The following LRCH1 variants were observed in gnomAD, a reference collection of about 807,000 sequenced individuals.
The protein encoded by LRCH1 is leucine-rich repeat and calponin homology domain-containing protein 1.
Under a neutral mutation model 94.9 loss-of-function variants are expected in LRCH1, and 23 were observed. That is an observed-to-expected ratio of 0.24 (90% CI 0.17 to 0.34). The LOEUF (loss-of-function observed/expected upper bound fraction) is 0.34, where lower values mean the gene tolerates loss of function less well. LRCH1 is among the 10% of genes least tolerant of loss of function. LRCH1 has a pLI of 1.00. For missense variants in LRCH1, 790 were observed against 945.9 expected (o/e 0.84, Z 2.16); for synonymous variants, 364 against 354.9 (o/e 1.03, Z -0.29).
At chr13:46,683,951 CTG>C (rs1243283481) in intron 4 of LRCH1, among the ~76,000 whole-genome samples, 1 of 152,064 alleles carries the variant, frequency 6.6e-6, no homozygotes, top group African/African-American at 2.4e-5. Context: ...CAGTCAGTGA[CTG>C]TAAAGACTTT....
chr13:46,709,300 G>A (rs553180910), intron 13 of LRCH1, among the ~76,000 whole-genome samples: 7 of 152,186 alleles, frequency 4.6e-5, no homozygotes, highest in Non-Finnish European at 1.0e-4. Flanking sequence ...CATTCAGTCA[G>A]TTGGCCCAGC....
intron 1 of LRCH1, among the ~76,000 whole-genome samples, chr13:46,632,237 C>A (rs539027075): frequency 1.3e-5 from 2 of 151,912 alleles, no homozygotes; most frequent in East Asian, 3.9e-4. Flanking sequence ...ATAGGAAACA[C>A]TTGATGACTT....
chr13:46,727,182 G>C (rs752711372), intron 17 of LRCH1, among the ~76,000 whole-genome samples: 36 of 152,096 alleles, frequency 2.4e-4, no homozygotes, highest in Non-Finnish European at 1.3e-4. Flanking sequence ...AGAAATAGAA[G>C]ACACGAAGAA....
At chr13:46,664,637 GCAA>G (rs2051492132) in intron 2 of LRCH1, among the ~76,000 whole-genome samples, 1 of 152,210 alleles carries the variant, frequency 6.6e-6, no homozygotes, top group Admixed American at 6.5e-5. Flanking sequence ...TTGTCATTAA[GCAA>G]CACGTGGCTG....
chr13:46,636,715 C>G (rs1033241180), intron 1 of LRCH1, among the ~76,000 whole-genome samples: 11 of 152,202 alleles, frequency 7.2e-5, no homozygotes, highest in African/African-American at 2.2e-4. Context: ...GGCCCGGCAG[C>G]AGCTATAGGA....
At chr13:46,686,256 A>G (rs1340987594) in intron 5 of LRCH1, among the ~76,000 whole-genome samples, 3 of 152,242 alleles carry the variant, frequency 2.0e-5, no homozygotes, top group African/African-American at 7.2e-5. Context: ...GTCCATTTTT[A>G]TGCTTACAAA....
At chr13:46,704,336 A>G (rs918104512) in intron 11 of LRCH1, among the ~76,000 whole-genome samples, 1 of 151,900 alleles carries the variant, frequency 6.6e-6, no homozygotes. Context: ...TAGTTAAGCC[A>G]TTGATTGTGG....
intron 1 of LRCH1, among the ~76,000 whole-genome samples, chr13:46,604,399 T>G (rs1351372558): frequency 9.2e-5 from 14 of 152,276 alleles, no homozygotes; most frequent in African/African-American, 2.6e-4. Flanking sequence ...GGCCTGTGCC[T>G]TCTCCCTGTA....
intron 16 of LRCH1, among the ~76,000 whole-genome samples, chr13:46,716,306 G>A (rs1220538298): frequency 6.6e-6 from 1 of 152,242 alleles, no homozygotes; most frequent in East Asian, 1.9e-4. Context: ...TAGAGTTCAT[G>A]TGGGTATCTT....
At chr13:46,725,935 TTTA>T (rs772676044) in intron 17 of LRCH1, among the ~76,000 whole-genome samples, 2 of 152,222 alleles carry the variant, frequency 1.3e-5, no homozygotes, top group Non-Finnish European at 2.9e-5. Flanking sequence ...ATATTGATCA[TTTA>T]TGTCTTAATT....
chr13:46,620,694 C>CATA (rs2050869791), intron 1 of LRCH1, among the ~76,000 whole-genome samples: 2 of 152,222 alleles, frequency 1.3e-5, no homozygotes, highest in African/African-American at 2.4e-5. Flanking sequence ...TTGCTATTGG[C>CATA]ATAACTATAT....
intron 16 of LRCH1, among the ~76,000 whole-genome samples, chr13:46,718,083 TTG>T (rs1872413900): frequency 6.6e-6 from 1 of 152,236 alleles, no homozygotes; most frequent in African/African-American, 2.4e-5. Flanking sequence ...CCCCCTGCTC[TTG>T]TGTCCTCTTA....
intron 9 of LRCH1, among the ~76,000 whole-genome samples, chr13:46,697,508 C>T (rs1288714221): frequency 6.6e-6 from 1 of 152,184 alleles, no homozygotes; most frequent in Non-Finnish European, 1.5e-5. Flanking sequence ...CAAGGCAGCA[C>T]TTCAGTACTA....
intron 1 of LRCH1, among the ~76,000 whole-genome samples, chr13:46,597,646 C>A (rs993255561): frequency 6.6e-6 from 1 of 152,080 alleles, no homozygotes; most frequent in African/African-American, 2.4e-5. Flanking sequence ...CGTGAACCAC[C>A]GCGCCTGGCC....
chr13:46,657,505 T>C (rs866650314), intron 2 of LRCH1, among the ~76,000 whole-genome samples: 3,456 of 32,888 alleles, frequency 0.11, 49 homozygotes, highest in Non-Finnish European at 0.13. Flanking sequence ...CTTTTCTTTT[T>C]TTTTTTTTTT....
At chr13:46,720,177 A>G (rs553124354) in intron 16 of LRCH1, among the ~76,000 whole-genome samples, 1 of 152,182 alleles carries the variant, frequency 6.6e-6, no homozygotes, top group South Asian at 2.1e-4. Context: ...ACTTGAGTCC[A>G]GAAGTTCCAG....
intron 3 of LRCH1, among the ~76,000 whole-genome samples, chr13:46,675,630 CCTT>C (rs1156308161): frequency 6.6e-6 from 1 of 151,476 alleles, no homozygotes; most frequent in East Asian, 1.9e-4. Flanking sequence ...GAGGAAAATC[CCTT>C]CTTCATTATT....
chr13:46,624,944 C>T (rs1009552887), intron 1 of LRCH1, among the ~76,000 whole-genome samples: 1 of 152,202 alleles, frequency 6.6e-6, no homozygotes, highest in Non-Finnish European at 1.5e-5. Context: ...CTTCCTGTTA[C>T]TTTCTTATTT....
At chr13:46,578,163 T>G (rs1050613288) in intron 1 of LRCH1, among the ~76,000 whole-genome samples, 1 of 152,214 alleles carries the variant, frequency 6.6e-6, no homozygotes, top group Non-Finnish European at 1.5e-5. Context: ...TTTCAAAATC[T>G]CCTGGCTGCG....
Sources: allele counts gnomAD v4.1 joint callset (sites outside exome capture counted in the v4.1 genomes callset), GRCh38; gene constraint gnomAD v4.1.1; transcripts MANE v1.5; gene names NCBI Gene and HGNC (gene_info 2026-07-23, HGNC 2026-07-21).